PRKCH: variants seen among roughly 807,000 people sequenced by gnomAD.
The protein encoded by PRKCH is protein kinase C eta type.
A neutral mutation model predicts 82.5 loss-of-function variants in PRKCH; 28 were observed. The ratio of observed to expected loss-of-function variants is 0.34; its 90% CI spans 0.25 to 0.47. The LOEUF is 0.47. Ranked by LOEUF, PRKCH falls within the 20% of genes least tolerant of loss-of-function variation. The pLI is 1.00. For synonymous variants in PRKCH, 322 were observed against 327.4 expected, an observed-to-expected ratio of 0.98 and a Z score of 0.18; for missense variants, 705 against 881.8, an observed-to-expected ratio of 0.80 and a Z score of 2.54.
At chr14:61,483,068 A>G (rs761426455) in intron 9 of PRKCH, among the ~76,000 whole-genome samples, 8 of 152,230 alleles carry the variant, frequency 5.3e-5, no homozygotes, top group Non-Finnish European at 7.3e-5. Context: ...TAACGAAAAC[A>G]TGTAAGACTG....
intron 1 of PRKCH, among the ~76,000 whole-genome samples, chr14:61,315,194 G>A (rs1049080017): frequency 6.6e-6 from 1 of 152,054 alleles, no homozygotes; most frequent in African/African-American, 2.4e-5. Context: ...TAGGACCCCT[G>A]CCCTGCAAAC....
chr14:61,490,316 A>C (rs1407997618), intron 10 of PRKCH, among the ~76,000 whole-genome samples: 3 of 152,216 alleles, frequency 2.0e-5, no homozygotes, highest in Non-Finnish European at 4.4e-5. Context: ...ATTTCTCCTC[A>C]GATTGAGAGA....
At chr14:61,409,583 C>T (rs1882154328) in intron 2 of PRKCH, among the ~76,000 whole-genome samples, 1 of 151,272 alleles carries the variant, frequency 6.6e-6, no homozygotes. Flanking sequence ...CACCTGTATT[C>T]CCAGTTACTT....
intron 1 of PRKCH, among the ~76,000 whole-genome samples, chr14:61,206,150 T>C (rs1284315008): frequency 2.0e-5 from 3 of 152,202 alleles, no homozygotes; most frequent in Non-Finnish European, 2.9e-5. Flanking sequence ...CCAAGTTCAG[T>C]TTATTTCTAT....
At chr14:61,228,324 A>G (rs1376385698) in intron 1 of PRKCH, among the ~76,000 whole-genome samples, 2 of 152,214 alleles carry the variant, frequency 1.3e-5, no homozygotes, top group African/African-American at 2.4e-5. Context: ...TCTAGACAGC[A>G]TATTAACAAC....
chr14:61,198,602 C>T (rs1566777536), intron 1 of PRKCH, among the ~76,000 whole-genome samples: 2 of 152,174 alleles, frequency 1.3e-5, no homozygotes, highest in Non-Finnish European at 2.9e-5. Context: ...TGGGCAGAAA[C>T]TATGTCTCTA....
chr14:61,440,139 G>A (rs191029190), intron 2 of PRKCH, among the ~76,000 whole-genome samples: 82 of 152,324 alleles, frequency 5.4e-4, no homozygotes, highest in African/African-American at 1.9e-3. Context: ...TGGATAGAGA[G>A]TGATACCATT....
At chr14:61,261,949 C>T (rs1032586517) in intron 1 of PRKCH, among the ~76,000 whole-genome samples, 10 of 151,942 alleles carry the variant, frequency 6.6e-5, no homozygotes, top group Non-Finnish European at 1.0e-4. Context: ...GCACCGGGCA[C>T]GGTAGCTCAC....
intron 12 of PRKCH, among the ~76,000 whole-genome samples, chr14:61,533,844 C>G (rs185158187): frequency 6.6e-6 from 1 of 152,280 alleles, no homozygotes; most frequent in Admixed American, 6.5e-5. Flanking sequence ...TACACTCTGC[C>G]CTTATCTCTG....
At chr14:61,383,495 A>G (rs1036414568) in intron 1 of PRKCH, among the ~76,000 whole-genome samples, 6 of 152,068 alleles carry the variant, frequency 3.9e-5, no homozygotes, top group Non-Finnish European at 8.8e-5. Context: ...AATAGTTGAG[A>G]TGTGAATTTT....
chr14:61,301,687 C>A (rs1192521674), intron 1 of PRKCH, among the ~76,000 whole-genome samples: 2 of 152,064 alleles, frequency 1.3e-5, no homozygotes, highest in Admixed American at 1.3e-4. Context: ...ACAAAAAATA[C>A]AAAATTAGCT....
At chr14:61,517,640 A>G (rs74596100) in intron 10 of PRKCH, among the ~76,000 whole-genome samples, 6,023 of 152,288 alleles carry the variant, frequency 0.04, 373 homozygotes, top group African/African-American at 0.14. Flanking sequence ...AGAACATTTA[A>G]TAGTTTCACT....
chr14:61,305,099 G>A (rs1394645291), intron 1 of PRKCH: 5 of 151,878 alleles, frequency 3.3e-5, no homozygotes, highest in African/African-American at 7.3e-5. Context: ...GTAGGCTGAT[G>A]TTTTTCACCA....
intron 1 of PRKCH, among the ~76,000 whole-genome samples, chr14:61,274,723 A>G (rs2045187503): frequency 6.6e-6 from 1 of 152,194 alleles, no homozygotes; most frequent in Admixed American, 6.5e-5. Context: ...GAAGTGGCCA[A>G]TGAAGTTAGT....
chr14:61,521,888 C>G (rs1011264667), intron 10 of PRKCH, among the ~76,000 whole-genome samples: 7 of 152,238 alleles, frequency 4.6e-5, no homozygotes, highest in Middle Eastern at 3.4e-3. Flanking sequence ...GAGATCTTGG[C>G]CTCAGGAGAT....
chr14:61,295,320 G>T (rs2045397814), intron 1 of PRKCH, among the ~76,000 whole-genome samples: 1 of 152,196 alleles, frequency 6.6e-6, no homozygotes, highest in South Asian at 2.1e-4. Context: ...CTGAAAGACT[G>T]GTTTCAGATT....
At chr14:61,391,935 CA>C (rs1245278912) in intron 2 of PRKCH, among the ~76,000 whole-genome samples, 2 of 152,274 alleles carry the variant, frequency 1.3e-5, no homozygotes, top group Non-Finnish European at 1.5e-5. Context: ...CTCCCAGAGG[CA>C]ATAAGTAAAG....
intron 1 of PRKCH, among the ~76,000 whole-genome samples, chr14:61,334,091 T>A (rs1322754670): frequency 1.3e-5 from 2 of 152,140 alleles, no homozygotes; most frequent in Non-Finnish European, 2.9e-5. Context: ...AAAGGTAAAG[T>A]GAGAATCCAG....
intron 1 of PRKCH, among the ~76,000 whole-genome samples, chr14:61,371,327 C>T (rs544581482): frequency 6.6e-6 from 1 of 151,928 alleles, no homozygotes; most frequent in Non-Finnish European, 1.5e-5. Flanking sequence ...ACTAATTAAA[C>T]TTCATAGTTT....
Sources: allele counts gnomAD v4.1 joint callset (sites outside exome capture counted in the v4.1 genomes callset), GRCh38; gene constraint gnomAD v4.1.1; transcripts MANE v1.5; gene names NCBI Gene and HGNC (gene_info 2026-07-23, HGNC 2026-07-21).